Variants in ZFAT observed in about 807,000 individuals in gnomAD.
ZFAT encodes zinc finger and AT-hook domain containing.
ZFAT carries 64 observed loss-of-function variants against 117.7 expected under a neutral mutation model. That is an observed-to-expected ratio of 0.54 (90% CI 0.44 to 0.67). The LOEUF is 0.67. Among genes scored for constraint, ZFAT ranks in the 30% least tolerant of loss-of-function variants. ZFAT has a pLI of 0.00. For missense variants in ZFAT, 1,433 were observed against 1,584.5 expected, an observed-to-expected ratio of 0.90 and a Z score of 1.62; for synonymous variants, 679 against 615.0, an observed-to-expected ratio of 1.10 and a Z score of -1.54.
intron 10 of ZFAT, among the ~76,000 whole-genome samples, chr8:134,568,743 T>C (rs1183788064): frequency 6.6e-6 from 1 of 152,210 alleles, no homozygotes; most frequent in South Asian, 2.1e-4. Context: ...ATATTACTAA[T>C]GTTTTCAGCA....
intron 13 of ZFAT, among the ~76,000 whole-genome samples, chr8:134,518,348 T>C (rs1350091112): frequency 2.0e-5 from 3 of 152,202 alleles, no homozygotes; most frequent in East Asian, 1.9e-4. Flanking sequence ...TTGTTACATA[T>C]TGCTATTCTC....
chr8:134,482,196 G>T (rs933873093), intron 15 of ZFAT, among the ~76,000 whole-genome samples: 1 of 152,070 alleles, frequency 6.6e-6, no homozygotes, highest in African/African-American at 2.4e-5. Flanking sequence ...TTTTACTCCC[G>T]GCTGAGCCAG....
upstream of ZFAT, among the ~76,000 whole-genome samples, chr8:134,717,466 CTTTTTTTTTTTTTTTTTT>C (rs746460924): frequency 7.8e-4 from 15 of 19,330 alleles, 1 homozygote; most frequent in African/African-American, 1.1e-3. Context: ...AATAACAACT[CTTTTTTTTTTTTTTTTTT>C]TTTTTTTTTT....
chr8:134,621,325 A>G (rs1009780374), intron 3 of ZFAT, among the ~76,000 whole-genome samples: 2 of 152,018 alleles, frequency 1.3e-5, no homozygotes, highest in Non-Finnish European at 2.9e-5. Flanking sequence ...ATATCACAGA[A>G]GGGAGATCAA....
chr8:134,715,179 ATGT>A (rs1439718747), upstream of ZFAT, among the ~76,000 whole-genome samples: 2 of 152,206 alleles, frequency 1.3e-5, no homozygotes, highest in South Asian at 2.1e-4. Flanking sequence ...TTGCTCCTAG[ATGT>A]TGTGACCAAA....
intron 3 of ZFAT, among the ~76,000 whole-genome samples, chr8:134,616,879 T>C (rs1442059168): frequency 1.3e-5 from 2 of 152,118 alleles, no homozygotes; most frequent in Non-Finnish European, 2.9e-5. Flanking sequence ...TGAATCTCCC[T>C]AAAATCACTC....
the ZFAT span, among the ~76,000 whole-genome samples, chr8:134,817,490 C>T: frequency 1.3e-5 from 2 of 150,502 alleles, no homozygotes; most frequent in Non-Finnish European, 3.0e-5. Context: ...GAGGCATATA[C>T]GAGACCAAAA....
intron 13 of ZFAT, among the ~76,000 whole-genome samples, chr8:134,515,099 GT>G (rs1820158072): frequency 6.6e-6 from 1 of 152,080 alleles, no homozygotes; most frequent in South Asian, 2.1e-4. Context: ...GAGAATGATG[GT>G]TTTCAGCTTC....
intron 11 of ZFAT, among the ~76,000 whole-genome samples, chr8:134,536,545 A>G (rs1184565518): frequency 1.3e-5 from 2 of 152,136 alleles, no homozygotes; most frequent in East Asian, 3.9e-4. Context: ...TTCAAGCAAA[A>G]CAAGTTCTGA....
At chr8:134,653,229 TAC>T (rs1175399791) in intron 2 of ZFAT, among the ~76,000 whole-genome samples, 1 of 112,580 alleles carries the variant, frequency 8.9e-6, no homozygotes. Context: ...GCAGGTTTGC[TAC>T]AAATAGCAAA....
chr8:134,726,781 T>C, the ZFAT span, among the ~76,000 whole-genome samples: 114,040 of 151,494 alleles, frequency 0.75, 44,102 homozygotes, highest in Non-Finnish European at 0.85. Flanking sequence ...TTTTTTTTTT[T>C]GTATTTTGGT....
chr8:134,666,341 G>A (rs368994240), intron 1 of ZFAT, among the ~76,000 whole-genome samples: 6 of 152,290 alleles, frequency 3.9e-5, no homozygotes, highest in African/African-American at 9.6e-5. Flanking sequence ...TGCTAAAACC[G>A]AAGATTTAAA....
chr8:134,534,775 A>AGAGAGAGAGAGAGAG (rs1821706312), intron 11 of ZFAT, among the ~76,000 whole-genome samples: 4 of 136,344 alleles, frequency 2.9e-5, no homozygotes, highest in African/African-American at 1.1e-4. Flanking sequence ...GAGAGGGAGA[A>AGAGAGAGAGAGAGAG]AGAGAGAGAG....
chr8:134,724,995 C>A, the ZFAT span, among the ~76,000 whole-genome samples: 14 of 152,238 alleles, frequency 9.2e-5, no homozygotes, highest in Admixed American at 3.3e-4. Context: ...CTTTAAAGCC[C>A]CTCCCTGGGG....
intron 11 of ZFAT, among the ~76,000 whole-genome samples, chr8:134,541,568 T>C (rs1822254555): frequency 6.6e-6 from 1 of 151,250 alleles, no homozygotes; most frequent in South Asian, 2.1e-4. Flanking sequence ...TACAAGCCAA[T>C]CATCAGTTAA....
chr8:134,492,120 G>A (rs1000447428), intron 15 of ZFAT, among the ~76,000 whole-genome samples: 1 of 151,542 alleles, frequency 6.6e-6, no homozygotes, highest in African/African-American at 2.4e-5. Context: ...ATTATTCAAG[G>A]GGAGTCCTGG....
the ZFAT span, among the ~76,000 whole-genome samples, chr8:134,798,957 T>TA: frequency 6.6e-6 from 1 of 152,278 alleles, no homozygotes; most frequent in South Asian, 2.1e-4. Context: ...ATATGCTTTG[T>TA]AATGCATTGC....
chr8:134,508,552 C>T (rs181028901), intron 15 of ZFAT, among the ~76,000 whole-genome samples: 1 of 152,268 alleles, frequency 6.6e-6, no homozygotes, highest in African/African-American at 2.4e-5. Context: ...TCTTCCCCAA[C>T]AACCCTTTAC....
intron 7 of ZFAT, among the ~76,000 whole-genome samples, chr8:134,594,188 T>G (rs574667063): frequency 3.3e-5 from 5 of 152,340 alleles, no homozygotes; most frequent in Admixed American, 1.3e-4. Context: ...TCCTGGACAG[T>G]GGATAAAACA....
Sources: gnomAD v4.1 joint callset for allele counts (sites outside exome capture counted in the v4.1 genomes callset) on GRCh38, gnomAD v4.1.1 for gene constraint, MANE v1.5 for transcripts, NCBI Gene and HGNC (gene_info 2026-07-23, HGNC 2026-07-21) for gene names.